ZNF341: variants seen among roughly 807,000 people sequenced by gnomAD.
The protein encoded by ZNF341 is zinc finger protein 341.
A neutral mutation model predicts 87.7 loss-of-function variants in ZNF341; 52 were observed. That is an observed-to-expected ratio of 0.59 (90% CI 0.47 to 0.75). The LOEUF (loss-of-function observed/expected upper bound fraction) is 0.75, where lower values mean the gene tolerates loss of function less well. ZNF341 is among the 30% of genes least tolerant of loss of function. The pLI, the probability that ZNF341 is intolerant of heterozygous loss-of-function variation, is 0.00. For synonymous variants in ZNF341, 459 were observed against 472.7 expected (o/e 0.97, Z 0.38); for missense variants, 977 against 1,145.9 (o/e 0.85, Z 2.13).
intron 8 of ZNF341, among the ~76,000 whole-genome samples, chr20:33,762,949 C>G (rs567474594): frequency 4.7e-4 from 71 of 152,090 alleles, no homozygotes; most frequent in Non-Finnish European, 9.1e-4. Flanking sequence ...AAAATGTGAA[C>G]TGATAAAAGT....
intron 10 of ZNF341, among the ~76,000 whole-genome samples, chr20:33,776,392 C>CTT (rs1341206598): frequency 1.4e-5 from 2 of 139,912 alleles, no homozygotes; most frequent in Non-Finnish European, 3.1e-5. Flanking sequence ...TGCACCTGGC[C>CTT]TTTTTTTTTT....
intron 10 of ZNF341, among the ~76,000 whole-genome samples, chr20:33,770,738 T>G (rs1333212140): frequency 6.6e-6 from 1 of 152,082 alleles, no homozygotes; most frequent in African/African-American, 2.4e-5. Flanking sequence ...CCCAGTACTT[T>G]GGGAGGCCAA....
rs772379836 is a variant in ZNF341 at position 33,757,136 on chromosome 20, T to C, written c.742-12T>C. ...TGGCAGGGCTTTTTCCCTGACTGTG[T>C]TGTCCTCCTAGGTGCCAAACCAGTG... On this transcript the variant is annotated splice_polypyrimidine_tract_variant and intron_variant, in intron 5 of 14. Coordinates refer to ENST00000375200, the MANE Select transcript of ZNF341 (RefSeq NM_001282933.2). 9 of 1,392,434 alleles carry C rather than the reference T, an allele frequency of 6.5e-6. No individual in the cohort carries two copies. The highest frequency in any genetic ancestry group is 9.4e-7 in the Non-Finnish European group (1 of 1,063,766). The allele number at this position is 1,392,434 out of a possible 1,614,324, so 86.3% of individuals were successfully genotyped here.
At chr20:33,782,327 T>C (rs2019762860) in intron 11 of ZNF341, among the ~76,000 whole-genome samples, 2 of 152,240 alleles carry the variant, frequency 1.3e-5, no homozygotes, top group African/African-American at 2.4e-5. Context: ...CCCTTTTTTC[T>C]TTCCTCTGAA....
At chr20:33,758,871 G>T in intron 7 of ZNF341, 65 bp downstream of exon 7, 1 of 1,411,416 alleles carries the variant, frequency 7.1e-7, no homozygotes, top group African/African-American at 1.4e-5. Context: ...TGTGCTGGAA[G>T]CGAGACTCCC....
intron 5 of ZNF341, 103 bp downstream of exon 5, chr20:33,753,526 A>C: frequency 7.1e-7 from 1 of 1,411,992 alleles, no homozygotes; most frequent in Non-Finnish European, 9.3e-7. Context: ...TGTGCTGGGG[A>C]TACCATGAAA....
chr20:33,776,803 G>A (rs1056597638), intron 10 of ZNF341, among the ~76,000 whole-genome samples: 10 of 152,216 alleles, frequency 6.6e-5, no homozygotes, highest in Admixed American at 1.3e-4. Context: ...ACAGGCAGGC[G>A]CCATCACTCC....
intron 1 of ZNF341, among the ~76,000 whole-genome samples, chr20:33,735,631 A>G (rs1165702710): frequency 1.3e-5 from 2 of 152,220 alleles, no homozygotes; most frequent in East Asian, 1.9e-4. Context: ...ATTTGTTTAA[A>G]TTTTTTTATT....
intron 10 of ZNF341, among the ~76,000 whole-genome samples, chr20:33,778,470 C>G (rs113913303): frequency 0.021 from 3,191 of 152,204 alleles, 114 homozygotes; most frequent in African/African-American, 0.07. Context: ...GCCACCACAC[C>G]TGGCTAATTT....
chr20:33,783,148 G>A (rs2019777756), intron 11 of ZNF341, among the ~76,000 whole-genome samples: 1 of 106,806 alleles, frequency 9.4e-6, no homozygotes, highest in Non-Finnish European at 1.9e-5. Flanking sequence ...GAGCGAAACT[G>A]CATCTCAAAT....
At chr20:33,755,100 G>A (rs1276942262) in intron 5 of ZNF341, among the ~76,000 whole-genome samples, 1 of 151,960 alleles carries the variant, frequency 6.6e-6, no homozygotes, top group East Asian at 1.9e-4. Flanking sequence ...GAGCTACCAC[G>A]CCCAACTAAT....
chr20:33,783,122 C>T (rs2019777271), intron 11 of ZNF341, among the ~76,000 whole-genome samples: 2 of 151,768 alleles, frequency 1.3e-5, no homozygotes, highest in Non-Finnish European at 2.9e-5. Flanking sequence ...CCATTGCACT[C>T]CAGCCTGGAC....
At chr20:33,737,531 C>T (rs1333942179) in intron 1 of ZNF341, among the ~76,000 whole-genome samples, 2 of 152,144 alleles carry the variant, frequency 1.3e-5, no homozygotes, top group Admixed American at 6.6e-5. Context: ...CCGTATTAGC[C>T]AGGATGGTCT....
chr20:33,767,004 A>G lies in ZNF341; in HGVS notation c.1376A>G (p.Gln459Arg), dbSNP rs759299919. 6.2e-7 allele frequency: 1 copy of G among 1,614,090 alleles called. No individual in the cohort carries two copies. Among genetic ancestry groups the G allele is most frequent in the Non-Finnish European group, 8.5e-7 (1 of 1,179,974 alleles). ...CCCAGCAAATTCAGCACCTACTTCC[A>G]GCTCAAGTCTCACATGACCCAGCAT... ...FCPSKFSTYF[Q>R]LKSHMTQHKN... The change falls in exon 9 of 15, where the codon CAG becomes CGG. Residue 459 changes from glutamine (Q) to arginine (R), a missense_variant. Transcript: ENST00000375200.
chr20:33,740,816 G>T (rs1010148149), intron 1 of ZNF341, 86 bp from the exon 2 acceptor site: 2 of 1,227,358 alleles, frequency 1.6e-6, no homozygotes, highest in Non-Finnish European at 2.4e-6. Flanking sequence ...CCGCCACAGG[G>T]GTTTTGCCTG....
At chr20:33,752,810 C>T (rs1420205576) in intron 4 of ZNF341, among the ~76,000 whole-genome samples, 1 of 151,942 alleles carries the variant, frequency 6.6e-6, no homozygotes, top group Non-Finnish European at 1.5e-5. Context: ...CGCCACCACG[C>T]CCGGCTAATT....
intron 11 of ZNF341, 120 bp from the exon 12 acceptor site, chr20:33,783,610 CCT>C: frequency 3.6e-6 from 5 of 1,400,250 alleles, no homozygotes; most frequent in Non-Finnish European, 5.0e-6. Context: ...GGTCCTGGCC[CCT>C]GATAGCCAGA....
At chr20:33,753,695 G>T (rs1351624172) in intron 5 of ZNF341, among the ~76,000 whole-genome samples, 1 of 152,078 alleles carries the variant, frequency 6.6e-6, no homozygotes, top group Non-Finnish European at 1.5e-5. Context: ...GTAATGCTCA[G>T]AACAGTCAGA....
At chr20:33,749,112 AC>A (rs1265719664) in intron 4 of ZNF341, 40 bp downstream of exon 4, 3 of 1,586,554 alleles carry the variant, frequency 1.9e-6, no homozygotes, top group South Asian at 2.3e-5. Context: ...TTGATTCCAG[AC>A]CTGTACATTA....
Sources: gnomAD v4.1 joint callset for allele counts (sites outside exome capture counted in the v4.1 genomes callset) on GRCh38, gnomAD v4.1.1 for gene constraint, MANE v1.5 for transcripts, NCBI Gene and HGNC (gene_info 2026-07-23, HGNC 2026-07-21) for gene names.